Variants in SEC24B observed in about 807,000 individuals in gnomAD.
SEC24B encodes the protein protein transport protein Sec24B.
A neutral mutation model predicts 142.8 loss-of-function variants in SEC24B; 45 were observed. The observed-to-expected ratio is 0.32, with a 90% CI of 0.25 to 0.40. SEC24B has a LOEUF of 0.40. Among genes scored for constraint, SEC24B ranks in the 10% least tolerant of loss-of-function variants. The pLI is 1.00. For synonymous variants in SEC24B, 574 were observed against 568.2 expected (o/e 1.01, Z -0.15); for missense variants, 1,409 against 1,526.8 (o/e 0.92, Z 1.29).
Position 109,516,629 on chromosome 4 carries a change from A to G in SEC24B, c.2115A>G (p.Glu705=). 1 of 1,573,880 alleles carries G rather than the reference A, an allele frequency of 6.4e-7. No homozygotes were observed. Among genetic ancestry groups the G allele is most frequent in the Non-Finnish European group, 8.7e-7 (1 of 1,144,508 alleles). ...YLTILCQSLL[E]NLDKLPGDSR... is the part of the protein sequence containing the mutation. Reference sequence around the variant, plus strand: ...CAATTTTGTGCCAGTCACTCCTAGAAAATCTAGACAAGTAAGAATATTTTT... The same window carrying G: ...CAATTTTGTGCCAGTCACTCCTAGAGAATCTAGACAAGTAAGAATATTTTT... Residue 705 remains glutamate (E), a synonymous_variant, in exon 11 of 24, where the codon GAA becomes GAG. Transcript: ENST00000265175.
At chr4:109,513,940 A>AT in intron 10 of SEC24B, 84 bp downstream of exon 10, 1 of 873,022 alleles carries the variant, frequency 1.1e-6, no homozygotes, top group Non-Finnish European at 1.9e-6. Context: ...TCTTATCGAG[A>AT]TTTTGAAGTT....
intron 11 of SEC24B, among the ~76,000 whole-genome samples, chr4:109,520,034 G>C (rs1723433150): frequency 1.3e-5 from 2 of 152,158 alleles, no homozygotes; most frequent in African/African-American, 4.8e-5. Flanking sequence ...AAATGTTTCA[G>C]TGTTCATAAA....
At chr4:109,529,987 G>A (rs897573329) in intron 18 of SEC24B, among the ~76,000 whole-genome samples, 1 of 152,098 alleles carries the variant, frequency 6.6e-6, no homozygotes, top group African/African-American at 2.4e-5. Context: ...TCCCACCTTG[G>A]CCTCCCAAAG....
At chr4:109,499,923 G>A (rs1334897198) in intron 6 of SEC24B, among the ~76,000 whole-genome samples, 1 of 152,122 alleles carries the variant, frequency 6.6e-6, no homozygotes, top group African/African-American at 2.4e-5. Context: ...GAAGAATCCA[G>A]AAGAAGGCAT....
chr4:109,456,158 A>G (rs888574567), intron 1 of SEC24B, among the ~76,000 whole-genome samples: 10 of 152,006 alleles, frequency 6.6e-5, no homozygotes, highest in Admixed American at 3.9e-4. Flanking sequence ...GTTTTTTAAA[A>G]TCTTAATTCC....
In SEC24B at chr4:109,450,404, AATC is replaced by A. The variant is rs539975336; in HGVS notation, c.134-12496_134-12494del. Among the ~76,000 whole-genome samples the A allele has an allele frequency of 3.3e-3, 500 of 152,204 alleles. 3 individuals are homozygous for A. The highest frequency in any genetic ancestry group is 0.012 in the African/African-American group (484 of 41,524). On this transcript the variant is annotated intron_variant, in intron 1 of 23. Transcript: ENST00000265175. ...GCCAGGCGCGGTGGCTCACACCTAT[AATC>A]CCAATACTTTGGGAGGCAGAGGCGG...
intron 6 of SEC24B, among the ~76,000 whole-genome samples, chr4:109,503,349 G>C (rs544775776): frequency 6.6e-6 from 1 of 151,740 alleles, no homozygotes; most frequent in East Asian, 1.9e-4. Flanking sequence ...TCAGCCTCCC[G>C]AGTAGCTGGG....
intron 5 of SEC24B, 101 bp downstream of exon 5, chr4:109,491,508 T>A: frequency 1.2e-6 from 1 of 840,264 alleles, no homozygotes; most frequent in Non-Finnish European, 1.9e-6. Context: ...AGGCTATATT[T>A]TTAACAAGAA....
At chr4:109,497,253 G>T (rs1036729992) in intron 6 of SEC24B, among the ~76,000 whole-genome samples, 1 of 152,238 alleles carries the variant, frequency 6.6e-6, no homozygotes, top group Non-Finnish European at 1.5e-5. Context: ...TGACAAAGGA[G>T]TGTAGGAAGT....
chr4:109,463,417 C>T lies in SEC24B; in HGVS notation c.650C>T (p.Pro217Leu), dbSNP rs751374672. ...CAAATGTTTACCTCACAGAATGCTC[C>T]GACTGTTAGGCCAGTTAAAGATAAT... The part of the protein sequence containing the change: ...YGQMFTSQNA[P>L]TVRPVKDNSF... The change falls in exon 2 of 24, where the codon CCG (proline) becomes CTG (leucine). Residue 217 changes from proline to leucine, a missense_variant. Around this residue, in one of 2 missense-constraint regions of SEC24B, gnomAD observed 709 missense variants for 673.5 expected, o/e 1.05. Coordinates refer to ENST00000265175, the MANE Select transcript of SEC24B (RefSeq NM_006323.5). The T allele has an allele frequency of 1.4e-5, 22 of 1,614,022 alleles. No homozygotes were observed. Among genetic ancestry groups the T allele is most frequent in the African/African-American group, 9.3e-5 (7 of 74,912 alleles).
At chr4:109,517,924 C>G (rs1022272648) in intron 11 of SEC24B, among the ~76,000 whole-genome samples, 1 of 150,690 alleles carries the variant, frequency 6.6e-6, no homozygotes, top group African/African-American at 2.4e-5. Context: ...AAGCGAGAAA[C>G]TGAGCATTTT....
rs1455031680 is a variant in SEC24B, at chr4:109,485,983, G to GGCT, written c.1165+4204_1165+4206dup. On this transcript the variant is annotated intron_variant, in intron 4 of 23. Coordinates refer to ENST00000265175, the MANE Select transcript of SEC24B (RefSeq NM_006323.5). ...CAGTGTTAAGTGTTGAGGAAAGTTTGGCTGAAAGCTGAGGAAAAAAAAACA... is the reference window on the plus strand; with the variant it reads ...CAGTGTTAAGTGTTGAGGAAAGTTTGGCTGCTGAAAGCTGAGGAAAAAAAAACA... Among the ~76,000 whole-genome samples the GGCT allele has an allele frequency of 2.0e-5, 3 of 152,198 alleles. No homozygotes were observed. In the South Asian group the frequency reaches 6.2e-4, roughly 31 times the overall value.
chr4:109,480,811 C>T (rs937266477), intron 3 of SEC24B, among the ~76,000 whole-genome samples: 1 of 152,146 alleles, frequency 6.6e-6, no homozygotes, highest in Admixed American at 6.5e-5. Context: ...TTTATTTTTC[C>T]TCTTAAAAAC....
rs541793187 is a variant in SEC24B, at chr4:109,527,213, C to T, written c.2966-109C>T. The T allele has an allele frequency of 2.9e-5, 21 of 724,688 alleles. 1 individual carries two copies. Among genetic ancestry groups the T allele is most frequent in the Middle Eastern group, 6.2e-4 (2 of 3,244 alleles). 44.9% of individuals were successfully genotyped at this position (724,688 alleles called of 1,614,324 possible). On this transcript the variant is annotated intron_variant, in intron 17 of 23. Coordinates refer to ENST00000265175, the MANE Select transcript of SEC24B (RefSeq NM_006323.5). ...CAGCCTAAGAGACAGAGCAAGACTC[C>T]GTCTCAAAAAAAAAAAAAAGAAAGA...
intron 7 of SEC24B, among the ~76,000 whole-genome samples, chr4:109,509,135 G>A (rs1378706310): frequency 1.3e-5 from 2 of 152,156 alleles, no homozygotes; most frequent in Admixed American, 6.5e-5. Context: ...TGAAGTGAGA[G>A]AGTAAGCCAC....
chr4:109,455,532 C>T (rs1730577378), intron 1 of SEC24B, among the ~76,000 whole-genome samples: 1 of 152,200 alleles, frequency 6.6e-6, no homozygotes, highest in African/African-American at 2.4e-5. Flanking sequence ...TGAGCCACCA[C>T]ACCCGGCCTG....
chr4:109,523,329 G>A (rs1407817609), intron 14 of SEC24B, among the ~76,000 whole-genome samples: 2 of 152,034 alleles, frequency 1.3e-5, no homozygotes, highest in Non-Finnish European at 2.9e-5. Context: ...AATTAGCTGG[G>A]TGCGGTGATG....
At chr4:109,539,119 G>A (rs560223964) in intron 23 of SEC24B, among the ~76,000 whole-genome samples, 90 of 152,036 alleles carry the variant, frequency 5.9e-4, no homozygotes, top group African/African-American at 2.0e-3. Context: ...CCACCACCAC[G>A]CCCAGCTAAT....
intron 1 of SEC24B, 61 bp from the exon 2 acceptor site, chr4:109,462,840 G>C (rs1447232363): frequency 7.9e-7 from 1 of 1,259,214 alleles, no homozygotes; most frequent in Non-Finnish European, 1.1e-6. Context: ...TATTTAAATG[G>C]GGGCTATTTT....
Sources: allele counts gnomAD v4.1 joint callset (sites outside exome capture counted in the v4.1 genomes callset), GRCh38; gene constraint gnomAD v4.1.1; regional missense constraint gnomAD v4.1.1; transcripts MANE v1.5; gene names NCBI Gene and HGNC (gene_info 2026-07-23, HGNC 2026-07-21).